The following NTNG1 variants were observed in gnomAD, a reference collection of about 807,000 sequenced individuals.
The protein encoded by NTNG1 is netrin G1.
Under a neutral mutation model 54.0 loss-of-function variants are expected in NTNG1, and 16 were observed. That is an observed-to-expected ratio of 0.30 (90% CI 0.20 to 0.45). The LOEUF (loss-of-function observed/expected upper bound fraction) is 0.45. NTNG1 is among the 20% of genes least tolerant of loss of function. NTNG1 has a pLI of 1.00. For missense variants in NTNG1, 530 were observed against 678.7 expected (o/e 0.78, Z 2.43); for synonymous variants, 255 against 263.1 (o/e 0.97, Z 0.30).
intron 2 of NTNG1, among the ~76,000 whole-genome samples, chr1:107,151,176 A>G (rs548696025): frequency 8.5e-5 from 13 of 152,330 alleles, no homozygotes; most frequent in African/African-American, 3.1e-4. Flanking sequence ...TATCCTTTAA[A>G]TATATACCTT....
chr1:107,292,099 C>T (rs1339929048), intron 2 of NTNG1, among the ~76,000 whole-genome samples: 1 of 151,988 alleles, frequency 6.6e-6, no homozygotes, highest in Non-Finnish European at 1.5e-5. Context: ...TCTTAAAATG[C>T]AGATAAAAAC....
At chr1:107,290,984 T>TTATATATATATATATATATAC (rs1553218726) in intron 2 of NTNG1, among the ~76,000 whole-genome samples, 18 of 140,014 alleles carry the variant, frequency 1.3e-4, no homozygotes, top group Middle Eastern at 3.6e-3. Context: ...TATATATATA[T>TTATATATATATATATATATAC]ACACACACAC....
chr1:107,380,259 G>A lies in NTNG1; in HGVS notation c.888-14895G>A, dbSNP rs72985595. ...ATAGCAGAAATTTTTGGCAAATAAAGCAAGGCAAAGTGATCTCCATTTTCA... is the reference window on the plus strand; with the variant it reads ...ATAGCAGAAATTTTTGGCAAATAAAACAAGGCAAAGTGATCTCCATTTTCA... On this transcript the variant is annotated intron_variant, in intron 3 of 7. Coordinates refer to ENST00000370068, the MANE Select transcript of NTNG1 (RefSeq NM_001113226.3). Among the ~76,000 whole-genome samples, 579 of 152,224 alleles carry A rather than the reference G, an allele frequency of 3.8e-3. 1 individual carries two copies. The highest frequency in any genetic ancestry group is 0.013 in the African/African-American group (542 of 41,534).
Position 107,228,244 on chromosome 1 carries a change from T to C in NTNG1, c.246+79405T>C, listed in dbSNP as rs528812034. ...AGTAATATTTGAACTTAGGTATTCA[T>C]CTACTCTCACTTTCCTGCTCTTTCT... On this transcript the variant is annotated intron_variant, in intron 2 of 7. Transcript: ENST00000370068. 5.9e-5 allele frequency among the ~76,000 whole-genome samples: 9 copies of C among 152,322 alleles called. 1 individual carries two copies. The South Asian group carries it at 1.9e-3, about 32-fold the overall frequency.
At chr1:107,431,828 T>A (rs1675285731) in intron 6 of NTNG1, among the ~76,000 whole-genome samples, 1 of 152,194 alleles carries the variant, frequency 6.6e-6, no homozygotes, top group Non-Finnish European at 1.5e-5. Flanking sequence ...AGGCACCCAG[T>A]TTTAAAGGTA....
chr1:107,391,865 A>G (rs944797136), intron 3 of NTNG1, among the ~76,000 whole-genome samples: 2 of 152,142 alleles, frequency 1.3e-5, no homozygotes, highest in African/African-American at 4.8e-5. Flanking sequence ...ATTGGAGATC[A>G]CATTTCAACA....
At chr1:107,227,033 G>T (rs1027044012) in intron 2 of NTNG1, among the ~76,000 whole-genome samples, 1 of 152,096 alleles carries the variant, frequency 6.6e-6, no homozygotes, top group African/African-American at 2.4e-5. Flanking sequence ...CCATTTGAGT[G>T]CTTTACTCTA....
intron 2 of NTNG1, among the ~76,000 whole-genome samples, chr1:107,241,257 T>C (rs531217167): frequency 6.6e-6 from 1 of 152,280 alleles, no homozygotes; most frequent in East Asian, 1.9e-4. Context: ...AGTAATGTTA[T>C]CAAAACCAGA....
intron 2 of NTNG1, among the ~76,000 whole-genome samples, chr1:107,292,728 T>G (rs1186574926): frequency 6.6e-6 from 1 of 152,032 alleles, no homozygotes; most frequent in Non-Finnish European, 1.5e-5. Flanking sequence ...TGCTCACCTC[T>G]CAAGTGCTAG....
At chr1:107,191,323 A>G (rs1657909273) in intron 2 of NTNG1, among the ~76,000 whole-genome samples, 1 of 152,134 alleles carries the variant, frequency 6.6e-6, no homozygotes, top group African/African-American at 2.4e-5. Flanking sequence ...GATTCTGGAT[A>G]TTAGCCCTTG....
chr1:107,259,454 T>G (rs2101645176), intron 2 of NTNG1, among the ~76,000 whole-genome samples: 1 of 152,366 alleles, frequency 6.6e-6, no homozygotes. Context: ...CTAGCCCATA[T>G]AATCATCAAA....
intron 2 of NTNG1, among the ~76,000 whole-genome samples, chr1:107,209,319 A>G (rs1161871063): frequency 6.6e-6 from 1 of 152,008 alleles, no homozygotes; most frequent in Non-Finnish European, 1.5e-5. Context: ...AGACACCACT[A>G]TGTGCCAAGA....
intron 3 of NTNG1, among the ~76,000 whole-genome samples, chr1:107,353,110 A>T (rs1215593964): frequency 6.6e-6 from 1 of 152,064 alleles, no homozygotes; most frequent in Admixed American, 6.5e-5. Context: ...GTAAATTAAC[A>T]TTTTTCTTAT....
intron 4 of NTNG1, among the ~76,000 whole-genome samples, chr1:107,400,998 G>A (rs186658131): frequency 6.6e-6 from 1 of 152,236 alleles, no homozygotes; most frequent in East Asian, 1.9e-4. Context: ...TAATAGCCCT[G>A]TAATGTGCAC....
chr1:107,439,678 T>C (rs544382124), intron 7 of NTNG1, among the ~76,000 whole-genome samples: 1 of 152,078 alleles, frequency 6.6e-6, no homozygotes, highest in Non-Finnish European at 1.5e-5. Flanking sequence ...TGTTAAAATA[T>C]AGAAATTCTT....
intron 2 of NTNG1, among the ~76,000 whole-genome samples, chr1:107,323,183 A>G (rs1171443222): frequency 6.6e-6 from 1 of 152,064 alleles, no homozygotes; most frequent in Non-Finnish European, 1.5e-5. Context: ...CCGAGGATCA[A>G]TTCTTTTCAC....
intron 2 of NTNG1, among the ~76,000 whole-genome samples, chr1:107,257,767 G>A (rs1663025077): frequency 6.6e-6 from 1 of 152,204 alleles, no homozygotes; most frequent in Admixed American, 6.5e-5. Context: ...CAAATGTCCT[G>A]CAGAGGCATG....
Position 107,214,409 on chromosome 1 carries a change from G to T in NTNG1, c.246+65570G>T, listed in dbSNP as rs568987437. On this transcript the variant is annotated intron_variant, in intron 2 of 7. Coordinates refer to ENST00000370068, the MANE Select transcript of NTNG1 (RefSeq NM_001113226.3). ...CCTGAGTTGCTTCACTTAGAATAATGGTCTCCAATTCCATCCAGGTTGCTG... is the reference window on the plus strand; with the variant it reads ...CCTGAGTTGCTTCACTTAGAATAATTGTCTCCAATTCCATCCAGGTTGCTG... Among the ~76,000 whole-genome samples the T allele has an allele frequency of 2.0e-5, 3 of 152,236 alleles. No individual in the cohort carries two copies. The East Asian group carries it at 5.8e-4, about 29-fold the overall frequency.
intron 5 of NTNG1, among the ~76,000 whole-genome samples, chr1:107,425,761 T>C (rs1357435008): frequency 6.6e-6 from 1 of 152,126 alleles, no homozygotes. Context: ...TCCATACTGT[T>C]TCCCATGGAG....
Sources: allele counts gnomAD v4.1 joint callset (sites outside exome capture counted in the v4.1 genomes callset), GRCh38; gene constraint gnomAD v4.1.1; transcripts MANE v1.5; gene names NCBI Gene and HGNC (gene_info 2026-07-23, HGNC 2026-07-21).